PLCE1: variants seen among roughly 807,000 people sequenced by gnomAD.
The protein encoded by PLCE1 is phospholipase C epsilon 1.
Under a neutral mutation model 242.8 loss-of-function variants are expected in PLCE1, and 119 were observed. That is an observed-to-expected ratio of 0.49 (90% CI 0.42 to 0.57). The LOEUF is 0.57. PLCE1 is among the 20% of genes least tolerant of loss of function. The probability of loss-of-function intolerance (pLI) is 0.00; values close to 1 mark genes in which losing one functional copy is unlikely to be tolerated. For synonymous variants in PLCE1, 945 were observed against 1,017.4 expected (o/e 0.93, Z 1.35); for missense variants, 2,441 against 2,788.8 (o/e 0.88, Z 2.81).
At chr10:94,195,375 TG>T (rs1358684066) in intron 4 of PLCE1, among the ~76,000 whole-genome samples, 7 of 152,162 alleles carry the variant, frequency 4.6e-5, no homozygotes, top group Non-Finnish European at 1.0e-4. Context: ...GGGGACTAAG[TG>T]CCTAAACCCT....
chr10:94,321,985 G>T lies in PLCE1; in HGVS notation c.6427G>T (p.Asp2143Tyr). The change falls in exon 30 of 33, where the codon GAT becomes TAT. Residue 2143 changes from aspartate (D) to tyrosine (Y), a missense_variant. Physicochemically the swap from Asp to Tyr is radical, Grantham distance 160 (BLOSUM62 -3). Coordinates refer to ENST00000371380, the MANE Select transcript of PLCE1 (RefSeq NM_016341.4). The part of the protein sequence containing the change: ...EEESFFVQVH[D>Y]VSPEQPRTVI... ...GGAGAGTTTCTTTGTCCAAGTGCAT[G>T]ATGTTTCTCCAGAGCAACCTCGAAC... The T allele has an allele frequency of 6.2e-7, 1 of 1,614,002 alleles. No individual in the cohort carries two copies. Among genetic ancestry groups the T allele is most frequent in the Non-Finnish European group, 8.5e-7 (1 of 1,179,874 alleles).
intron 2 of PLCE1, among the ~76,000 whole-genome samples, chr10:94,046,806 G>C (rs1200030378): frequency 6.6e-6 from 1 of 152,114 alleles, no homozygotes; most frequent in Non-Finnish European, 1.5e-5. Context: ...TACCCTCTCT[G>C]TGCTGCTATT....
At chr10:94,159,865 G>A (rs961642702) in intron 3 of PLCE1, among the ~76,000 whole-genome samples, 25 of 151,986 alleles carry the variant, frequency 1.6e-4, no homozygotes, top group Admixed American at 3.3e-4. Flanking sequence ...GAGAACGTGC[G>A]GTGTTTGGTT....
At position 94,145,518 on chromosome 10, in the gene PLCE1, C is replaced by T. The variant is rs74861935; in HGVS notation, c.1492+13059C>T. 8.5e-5 allele frequency among the ~76,000 whole-genome samples: 13 copies of T among 152,244 alleles called. No homozygotes were observed. In the East Asian group the frequency reaches 1.4e-3, roughly 16 times the overall value. On this transcript the variant is annotated intron_variant, in intron 3 of 32. Transcript: ENST00000371380. ...CAAGCCACGTGTGTTTTTCTTTGAC[C>T]GTTGCAGTACTTTAAAAATTGGGAA...
intron 4 of PLCE1, among the ~76,000 whole-genome samples, chr10:94,207,034 A>G (rs1448652323): frequency 1.3e-5 from 2 of 152,250 alleles, no homozygotes; most frequent in South Asian, 2.1e-4. Flanking sequence ...TTATAAATGT[A>G]TTAACCATTG....
At chr10:94,270,765 G>A (rs1279948117) in intron 18 of PLCE1, among the ~76,000 whole-genome samples, 163 bp downstream of exon 18, 1 of 152,112 alleles carries the variant, frequency 6.6e-6, no homozygotes, top group African/African-American at 2.4e-5. Context: ...TGCCTCTGAG[G>A]TTCAAGCGAT....
intron 8 of PLCE1, among the ~76,000 whole-genome samples, chr10:94,247,545 A>G (rs752692448): frequency 6.6e-6 from 1 of 152,176 alleles, no homozygotes; most frequent in African/African-American, 2.4e-5. Context: ...CTAACATGCT[A>G]TGTGACTTTT....
chr10:94,285,188 T>TATA, intron 22 of PLCE1, among the ~76,000 whole-genome samples: 1 of 152,330 alleles, frequency 6.6e-6, no homozygotes, highest in Non-Finnish European at 1.5e-5. Flanking sequence ...AATGTCTTTT[T>TATA]ATAATAGTTA....
intron 4 of PLCE1, among the ~76,000 whole-genome samples, chr10:94,187,143 T>C (rs1471400591): frequency 7.4e-6 from 1 of 134,626 alleles, no homozygotes; most frequent in African/African-American, 2.9e-5. Context: ...AGATGAAACA[T>C]ATATGTGTGT....
intron 3 of PLCE1, among the ~76,000 whole-genome samples, chr10:94,162,210 G>A (rs2047640541): frequency 1.3e-5 from 2 of 152,122 alleles, no homozygotes; most frequent in Admixed American, 6.5e-5. Context: ...CCTATTGATT[G>A]GAATAGTTTC....
chr10:94,245,872 G>C lies in PLCE1; in HGVS notation c.2421-74G>C, dbSNP rs992898742. 20 of 1,126,500 alleles carry C rather than the reference G, an allele frequency of 1.8e-5. No individual in the cohort carries two copies. The Admixed American group carries it at 3.0e-4, about 17-fold the overall frequency. The allele number at this position is 1,126,500 out of a possible 1,614,324, so 69.8% of individuals were successfully genotyped here. A position where few individuals can be genotyped will look rare whatever the true frequency, so the allele number is the denominator to read the frequency against. On this transcript the variant is annotated intron_variant, in intron 7 of 32. Transcript: ENST00000371380. ...ATAGTGCGATGAAAAATAAAGCCCA[G>C]TGTCAGTGAAAATGTCTTTGGGTTG...
At chr10:93,995,145 C>G (rs1469997856) in intron 1 of PLCE1, among the ~76,000 whole-genome samples, 1 of 152,140 alleles carries the variant, frequency 6.6e-6, no homozygotes, top group Non-Finnish European at 1.5e-5. Context: ...TTTTGAGAGC[C>G]TGACTTGGGA....
At chr10:94,115,102 A>G (rs1024361191) in intron 2 of PLCE1, among the ~76,000 whole-genome samples, 1 of 152,102 alleles carries the variant, frequency 6.6e-6, no homozygotes, top group African/African-American at 2.4e-5. Context: ...TGAACTCATC[A>G]TTTTTTATGG....
intron 15 of PLCE1, 22 bp from the exon 16 acceptor site, chr10:94,265,771 T>A: frequency 6.2e-7 from 1 of 1,613,990 alleles, no homozygotes; most frequent in Non-Finnish European, 8.5e-7. Context: ...CATGCAGTCT[T>A]AAGAAAATTT....
chr10:94,057,512 G>A (rs1217174110), intron 2 of PLCE1, among the ~76,000 whole-genome samples: 1 of 152,140 alleles, frequency 6.6e-6, no homozygotes, highest in Non-Finnish European at 1.5e-5. Flanking sequence ...GTGTAAGTAT[G>A]TAGAGGTAGA....
At chr10:94,259,283 G>T (rs376007258) in intron 13 of PLCE1, 133 bp downstream of exon 13, 21 of 892,812 alleles carry the variant, frequency 2.4e-5, no homozygotes, top group Non-Finnish European at 2.9e-5. Flanking sequence ...AGACTTAAGA[G>T]AATTTTTTTT....
At chr10:94,034,183 G>A (rs1453009395) in intron 2 of PLCE1, among the ~76,000 whole-genome samples, 3 of 152,184 alleles carry the variant, frequency 2.0e-5, no homozygotes, top group East Asian at 3.9e-4. Flanking sequence ...AGGGGAAACC[G>A]CCCCCATGAT....
At chr10:94,001,069 A>T (rs1306201681) in intron 1 of PLCE1, among the ~76,000 whole-genome samples, 2 of 152,216 alleles carry the variant, frequency 1.3e-5, no homozygotes, top group African/African-American at 4.8e-5. Context: ...AAAAAGGCTC[A>T]TAGGTCTGCC....
chr10:94,016,941 A>G (rs948979359), intron 1 of PLCE1, among the ~76,000 whole-genome samples: 2 of 152,206 alleles, frequency 1.3e-5, no homozygotes, highest in African/African-American at 4.8e-5. Context: ...TAATGATATT[A>G]AAAAATGAAC....
Sources: gnomAD v4.1 joint callset for allele counts (sites outside exome capture counted in the v4.1 genomes callset) on GRCh38, gnomAD v4.1.1 for gene constraint, MANE v1.5 for transcripts, NCBI Gene and HGNC (gene_info 2026-07-23, HGNC 2026-07-21) for gene names.